TES: variants seen among roughly 807,000 people sequenced by gnomAD.
TES encodes the protein testin LIM domain protein.
Under a neutral mutation model 48.2 loss-of-function variants are expected in TES, and 41 were observed. The observed-to-expected ratio is 0.85, with a 90% CI of 0.66 to 1.10. The LOEUF is 1.10. Among genes scored for constraint, TES ranks in the 50% least tolerant of loss-of-function variants. The pLI, the probability that TES is intolerant of heterozygous loss-of-function variation, is 0.00. For synonymous variants in TES, 162 were observed against 174.9 expected, an observed-to-expected ratio of 0.93 and a Z score of 0.58; for missense variants, 463 against 515.1, an observed-to-expected ratio of 0.90 and a Z score of 0.98.
At chr7:116,235,269 ATT>A (rs1484306023) in intron 2 of TES, among the ~76,000 whole-genome samples, 1 of 152,158 alleles carries the variant, frequency 6.6e-6, no homozygotes, top group Non-Finnish European at 1.5e-5. Flanking sequence ...TAATTTAATT[ATT>A]CTCTTCTTAA....
chr7:116,252,742 T>G (rs1443227499), intron 6 of TES: 1 of 466,114 alleles, frequency 2.1e-6, no homozygotes, highest in East Asian at 4.4e-5. Flanking sequence ...AAAAAAATTC[T>G]TAATGGGAAT....
intron 1 of TES, among the ~76,000 whole-genome samples, chr7:116,231,845 C>T (rs1326586693): frequency 6.6e-6 from 1 of 152,012 alleles, no homozygotes; most frequent in Non-Finnish European, 1.5e-5. Context: ...ACCCCCAGCT[C>T]CCCATTTCCT....
rs1479441141 is a variant in TES, at chr7:116,249,227, T to C, written c.321T>C (p.Asn107=). ...PVAAKKNVSI[N]TVTYEWAPPV... is the part of the protein sequence containing the mutation. The stretch of plus-strand genomic sequence containing the variant: ...CTGCCAAGAAGAATGTCTCCATCAA[T>C]ACAGTTACCTATGAGTGGGCTCCTC... The change falls in exon 3 of 7, where the codon AAT becomes AAC. Residue 107 remains asparagine (N), a synonymous_variant. Transcript: ENST00000358204. The C allele has an allele frequency of 6.2e-7, 1 of 1,614,124 alleles. No individual in the cohort carries two copies.
intron 1 of TES, among the ~76,000 whole-genome samples, chr7:116,212,717 C>T (rs1799452804): frequency 1.3e-5 from 2 of 152,116 alleles, no homozygotes; most frequent in Admixed American, 1.3e-4. Flanking sequence ...TAAACAATTT[C>T]CTTAGAGTTT....
intron 1 of TES, among the ~76,000 whole-genome samples, chr7:116,230,903 C>T (rs999045094): frequency 6.6e-6 from 1 of 152,192 alleles, no homozygotes; most frequent in Non-Finnish European, 1.5e-5. Flanking sequence ...ATGCACCTCT[C>T]CTTCAGCGAA....
At chr7:116,242,399 G>A (rs914522025) in intron 2 of TES, among the ~76,000 whole-genome samples, 2 of 152,114 alleles carry the variant, frequency 1.3e-5, no homozygotes, top group African/African-American at 4.8e-5. Context: ...ATGTTAGAAA[G>A]ATTATTTTAT....
chr7:116,214,406 A>C (rs1001217600), intron 1 of TES, among the ~76,000 whole-genome samples: 2 of 152,158 alleles, frequency 1.3e-5, no homozygotes, highest in African/African-American at 4.8e-5. Flanking sequence ...GGATGCTCAA[A>C]TCTACAATTG....
chr7:116,213,211 A>G (rs1799458932), intron 1 of TES, among the ~76,000 whole-genome samples: 1 of 152,234 alleles, frequency 6.6e-6, no homozygotes, highest in South Asian at 2.1e-4. Flanking sequence ...TTACCAGCAG[A>G]GTCCTCACCC....
intron 2 of TES, among the ~76,000 whole-genome samples, chr7:116,241,870 T>G (rs1218108226): frequency 3.3e-5 from 5 of 152,306 alleles, no homozygotes; most frequent in East Asian, 3.9e-4. Context: ...CAGAGCTGGT[T>G]CTTCTATAAT....
intron 1 of TES, among the ~76,000 whole-genome samples, chr7:116,216,250 A>G (rs1459563613): frequency 6.6e-6 from 1 of 152,130 alleles, no homozygotes; most frequent in Non-Finnish European, 1.5e-5. Context: ...ACCAATCACT[A>G]GTGTGTTTAG....
intron 1 of TES, among the ~76,000 whole-genome samples, chr7:116,219,100 A>T (rs1180668791): frequency 3.3e-5 from 5 of 152,110 alleles, no homozygotes; most frequent in Non-Finnish European, 7.4e-5. Flanking sequence ...ACTAACTTTA[A>T]TTGTGTGGGT....
At position 116,251,815 on chromosome 7, in the gene TES, A is replaced by G; in HGVS notation, c.758A>G (p.Glu253Gly). ...GAAGGTGACCCAGCCATCTATGCCG[A>G]AAGGGCTGGCTATGATAAACTGTGG... ...MKEGDPAIYA[E>G]RAGYDKLWHP... The change falls in exon 5 of 7, where the codon GAA (glutamate) becomes GGA (glycine). Residue 253 changes from glutamate (E) to glycine (G), a missense_variant. Glu to Gly is a moderately conservative substitution (Grantham distance 98). Coordinates refer to ENST00000358204, the MANE Select transcript of TES (RefSeq NM_015641.4). 1 of 1,614,220 alleles carries G rather than the reference A, an allele frequency of 6.2e-7. No individual in the cohort carries two copies. Among genetic ancestry groups the G allele is most frequent in the East Asian group, 2.2e-5 (1 of 44,890 alleles).
chr7:116,246,307 C>G (rs1034179635), intron 2 of TES, among the ~76,000 whole-genome samples: 1 of 152,226 alleles, frequency 6.6e-6, no homozygotes, highest in Non-Finnish European at 1.5e-5. Context: ...TTATTTAGAA[C>G]CATGCCATTG....
chr7:116,246,874 A>ATG (rs770079016), intron 2 of TES, among the ~76,000 whole-genome samples: 1,254 of 118,560 alleles, frequency 0.011, 17 homozygotes, highest in African/African-American at 0.038. Context: ...TTCTCTGTGT[A>ATG]TGTGTGTGTG....
At chr7:116,217,730 C>G (rs765002154) in intron 1 of TES, 2 of 510,674 alleles carry the variant, frequency 3.9e-6, no homozygotes, top group East Asian at 1.1e-4. Context: ...GAGTAAATAT[C>G]CATGTTTAAA....
chr7:116,232,808 G>A (rs1799718485), intron 1 of TES, among the ~76,000 whole-genome samples: 1 of 152,142 alleles, frequency 6.6e-6, no homozygotes, highest in African/African-American at 2.4e-5. Context: ...TATGGACATG[G>A]CAAAGATGAT....
intron 1 of TES, among the ~76,000 whole-genome samples, chr7:116,212,677 C>T (rs1324064781): frequency 6.6e-6 from 1 of 152,118 alleles, no homozygotes; most frequent in African/African-American, 2.4e-5. Flanking sequence ...ATTGTATATG[C>T]TTGCAAAGGA....
intron 1 of TES, 141 bp downstream of exon 1, chr7:116,210,875 C>A (rs1382838394): frequency 2.8e-6 from 2 of 708,888 alleles, no homozygotes; most frequent in African/African-American, 1.9e-5. Context: ...GCCCCGGGCC[C>A]AGGGACCTGG....
intron 3 of TES, 129 bp from the exon 4 acceptor site, chr7:116,250,032 G>A (rs1362353414): frequency 1.6e-6 from 1 of 620,100 alleles, no homozygotes; most frequent in Non-Finnish European, 2.5e-6. Context: ...TTAATATACT[G>A]TGAGGGTGAG....
Sources: allele counts gnomAD v4.1 joint callset (sites outside exome capture counted in the v4.1 genomes callset), GRCh38; gene constraint gnomAD v4.1.1; transcripts MANE v1.5; gene names NCBI Gene and HGNC (gene_info 2026-07-23, HGNC 2026-07-21).